The following MYO5B variants were observed in gnomAD, a reference collection of about 807,000 sequenced individuals.
MYO5B encodes the protein myosin VB, also known as unconventional myosin-Vb.
MYO5B carries 143 observed loss-of-function variants against 229.3 expected under a neutral mutation model. That is an observed-to-expected ratio of 0.62 (90% confidence interval 0.54 to 0.72). The LOEUF (loss-of-function observed/expected upper bound fraction) is 0.72, where lower values mean the gene tolerates loss of function less well. Ranked by LOEUF, MYO5B falls within the 30% of genes least tolerant of loss-of-function variation. The pLI is 0.00. For synonymous variants in MYO5B, 918 were observed against 885.2 expected (o/e 1.04, Z -0.66); for missense variants, 2,321 against 2,331.0 (o/e 1.00, Z 0.09).
At chr18:49,885,499 C>T (rs889009877) in intron 22 of MYO5B, among the ~76,000 whole-genome samples, 1 of 152,106 alleles carries the variant, frequency 6.6e-6, no homozygotes, top group Non-Finnish European at 1.5e-5. Flanking sequence ...AGAGAGGTGG[C>T]CCTAGGGATA....
chr18:49,956,656 T>C (rs959234545), intron 12 of MYO5B, among the ~76,000 whole-genome samples: 1 of 130,674 alleles, frequency 7.7e-6, no homozygotes, highest in Non-Finnish European at 1.6e-5. Context: ...CTGAATCCTT[T>C]AAAAAGGAAA....
intron 33 of MYO5B, among the ~76,000 whole-genome samples, chr18:49,845,599 C>T (rs1252159745): frequency 6.6e-6 from 1 of 152,212 alleles, no homozygotes; most frequent in Non-Finnish European, 1.5e-5. Context: ...CATCATGGGG[C>T]AGGCAGGTCA....
intron 1 of MYO5B, among the ~76,000 whole-genome samples, chr18:50,062,044 C>T (rs1195092136): frequency 2.0e-5 from 3 of 152,120 alleles, no homozygotes; most frequent in Non-Finnish European, 4.4e-5. Flanking sequence ...GAGAAAAGAT[C>T]TCAGTCTCTA....
At chr18:49,931,591 C>T (rs577602932) in intron 16 of MYO5B, among the ~76,000 whole-genome samples, 3 of 152,306 alleles carry the variant, frequency 2.0e-5, no homozygotes, top group Admixed American at 1.3e-4. Context: ...CACCTCACTG[C>T]CTGCTCACCC....
intron 22 of MYO5B, among the ~76,000 whole-genome samples, chr18:49,888,283 G>A (rs1360921685): frequency 6.6e-6 from 1 of 152,110 alleles, no homozygotes; most frequent in Non-Finnish European, 1.5e-5. Flanking sequence ...TTCAATTTGT[G>A]AAAACCAGAA....
Position 49,856,864 on chromosome 18 carries a change from T to C in MYO5B, c.3971A>G (p.Asn1324Ser), listed in dbSNP as rs999809517. Residue 1324 changes from asparagine to serine, a missense_variant, in exon 30 of 40, where the codon AAT becomes AGT. Asn to Ser is a conservative substitution (Grantham distance 46). Coordinates refer to ENST00000285039, the MANE Select transcript of MYO5B (RefSeq NM_001080467.3). The stretch of plus-strand genomic sequence containing the variant: ...GGCCAAGCCGAGTTCTCCATCTTCA[T>C]TTAAATATCCCCAATCCTCAGTCTT... ...NSKTEDWGYL[N>S]EDGELGLAYQ... The C allele has an allele frequency of 7.4e-6, 12 of 1,614,150 alleles. No individual in the cohort carries two copies. The highest frequency in any genetic ancestry group is 1.0e-5 in the Non-Finnish European group (12 of 1,179,990).
intron 2 of MYO5B, among the ~76,000 whole-genome samples, chr18:50,042,431 C>G (rs926845885): frequency 6.6e-6 from 1 of 152,154 alleles, no homozygotes; most frequent in South Asian, 2.1e-4. Flanking sequence ...TTCCTTTAGA[C>G]AGTTTCCTGT....
rs995421688 is a variant in MYO5B, at chr18:49,823,684, G to C, written c.*2787C>G. 4 of 152,166 alleles carry C rather than the reference G, an allele frequency of 2.6e-5. No individual in the cohort carries two copies. Among genetic ancestry groups the C allele is most frequent in the Admixed American group, 6.5e-5 (1 of 15,274 alleles). The allele number at this position is 152,166 out of a possible 1,614,324, so 9.4% of individuals were successfully genotyped here. A position where few individuals can be genotyped will look rare whatever the true frequency, so the allele number is the denominator to read the frequency against. On this transcript the variant is annotated 3_prime_UTR_variant, in exon 40 of 40. Transcript: ENST00000285039. Reference sequence around the variant, plus strand: ...AAAGGGGAAAAACATCTACCTTTGGGTCTAATCTGCCTCCCAGGTGAGCCT... The same window carrying C: ...AAAGGGGAAAAACATCTACCTTTGGCTCTAATCTGCCTCCCAGGTGAGCCT...
At chr18:49,841,863 G>A (rs1478079225) in intron 34 of MYO5B, among the ~76,000 whole-genome samples, 1 of 152,324 alleles carries the variant, frequency 6.6e-6, no homozygotes, top group East Asian at 1.9e-4. Flanking sequence ...GGATGCTGAA[G>A]AGCATAACAG....
intron 29 of MYO5B, among the ~76,000 whole-genome samples, chr18:49,861,006 A>T (rs980472103): frequency 1.3e-5 from 2 of 152,114 alleles, no homozygotes; most frequent in Non-Finnish European, 2.9e-5. Flanking sequence ...GCAATCATGA[A>T]CACTTCCCAA....
chr18:50,119,632 T>C (rs1385410964), intron 1 of MYO5B, among the ~76,000 whole-genome samples: 1 of 152,214 alleles, frequency 6.6e-6, no homozygotes, highest in Non-Finnish European at 1.5e-5. Context: ...AATTAGTTCA[T>C]GATCTCCAGC....
intron 17 of MYO5B, among the ~76,000 whole-genome samples, chr18:49,926,167 C>T (rs958656931): frequency 2.6e-5 from 4 of 152,214 alleles, no homozygotes; most frequent in African/African-American, 7.2e-5. Context: ...TGCTGGGACC[C>T]GCTGGGTTTT....
chr18:50,054,357 T>C (rs749281842), intron 2 of MYO5B, among the ~76,000 whole-genome samples: 27 of 152,124 alleles, frequency 1.8e-4, no homozygotes, highest in Non-Finnish European at 3.2e-4. Flanking sequence ...AAAGAGTGGG[T>C]TCCTTTTCTC....
chr18:50,114,303 G>A (rs73430322), intron 1 of MYO5B, among the ~76,000 whole-genome samples: 3,001 of 152,268 alleles, frequency 0.02, 90 homozygotes, highest in African/African-American at 0.069. Context: ...AGAATGCACA[G>A]AAAGTCAAGT....
At chr18:49,938,343 T>C (rs2025273835) in intron 14 of MYO5B, among the ~76,000 whole-genome samples, 1 of 152,086 alleles carries the variant, frequency 6.6e-6, no homozygotes, top group Non-Finnish European at 1.5e-5. Context: ...ATCAAGAAGT[T>C]CAGTCTGACA....
intron 1 of MYO5B, among the ~76,000 whole-genome samples, chr18:50,173,654 C>T (rs2032952241): frequency 6.6e-6 from 1 of 152,172 alleles, no homozygotes; most frequent in African/African-American, 2.4e-5. Flanking sequence ...GCCAACAGGA[C>T]TTGCTGATGG....
chr18:50,073,886 G>T (rs1475220765), intron 1 of MYO5B, among the ~76,000 whole-genome samples: 1 of 151,954 alleles, frequency 6.6e-6, no homozygotes, highest in Non-Finnish European at 1.5e-5. Context: ...CATTGGCAAG[G>T]CCCATTCACT....
At chr18:49,836,644 A>G in intron 38 of MYO5B, 67 bp downstream of exon 38, 1 of 1,579,752 alleles carries the variant, frequency 6.3e-7, no homozygotes, top group Non-Finnish European at 8.7e-7. Flanking sequence ...ACCAACGAGA[A>G]CAGACTTGGA....
Position 49,853,442 on chromosome 18 carries a change from T to C in MYO5B, c.4221+7A>G, listed in dbSNP as rs1465895570. The C allele has an allele frequency of 6.2e-7, 1 of 1,613,886 alleles. No individual in the cohort carries two copies. Among genetic ancestry groups the C allele is most frequent in the Admixed American group, 1.7e-5 (1 of 59,998 alleles). ...AAAGCTGGGGTCCACTAGACATGGCTACCCACCAGATTCTCGTTGGTCAGC... is the reference window on the plus strand; with the variant it reads ...AAAGCTGGGGTCCACTAGACATGGCCACCCACCAGATTCTCGTTGGTCAGC... On this transcript the variant is annotated splice_region_variant and intron_variant, in intron 31 of 39. Coordinates refer to ENST00000285039, the MANE Select transcript of MYO5B (RefSeq NM_001080467.3).
Sources: gnomAD v4.1 joint callset for allele counts (sites outside exome capture counted in the v4.1 genomes callset) on GRCh38, gnomAD v4.1.1 for gene constraint, MANE v1.5 for transcripts, NCBI Gene and HGNC (gene_info 2026-07-23, HGNC 2026-07-21) for gene names.